The following GABPB2 variants were observed in gnomAD, a reference collection of about 807,000 sequenced individuals.
GABPB2 encodes the protein GA-binding protein subunit beta-2.
A neutral mutation model predicts 39.1 loss-of-function variants in GABPB2; 23 were observed. The ratio of observed to expected loss-of-function variants is 0.59; its 90% confidence interval spans 0.42 to 0.83. GABPB2 has a LOEUF of 0.83. Among genes scored for constraint, GABPB2 ranks in the 40% least tolerant of loss-of-function variants. GABPB2 has a pLI of 0.00. For missense variants in GABPB2, 467 were observed against 541.1 expected (o/e 0.86, Z 1.36); for synonymous variants, 184 against 199.3 (o/e 0.92, Z 0.65).
chr1:151,108,890 G>A (rs1165057481), intron 7 of GABPB2, among the ~76,000 whole-genome samples: 3 of 152,116 alleles, frequency 2.0e-5, no homozygotes, highest in African/African-American at 7.2e-5. Flanking sequence ...TAAAAATACT[G>A]GAGGTTGGCC....
chr1:151,124,787 C>G lies in GABPB2; in HGVS notation c.*6531C>G, dbSNP rs1419103120. 1 of 152,028 alleles carries G rather than the reference C, an allele frequency of 6.6e-6. No individual in the cohort carries two copies. Among genetic ancestry groups the G allele is most frequent in the African/African-American group, 2.4e-5 (1 of 41,392 alleles). 9.4% of individuals were successfully genotyped at this position (152,028 alleles called of 1,614,324 possible). A position where few individuals can be genotyped will look rare whatever the true frequency, so the allele number is the denominator to read the frequency against. On this transcript the variant is annotated 3_prime_UTR_variant, in exon 9 of 9. Coordinates refer to ENST00000368918, the MANE Select transcript of GABPB2 (RefSeq NM_144618.3). ...GAAGTACTACCCCTTCTGAGTAGTA[C>G]TATTATTTCCTATGCCAATTTTTTT...
rs1292539702 is a variant in GABPB2 at position 151,124,620 on chromosome 1, A to G, written c.*6364A>G. On this transcript the variant is annotated 3_prime_UTR_variant, in exon 9 of 9. Transcript: ENST00000368918. ...CAGTTTTTGTCCTAATTTATTAGAG[A>G]AGGCTTCCTCTTCTCTACTCCTTGT... is the stretch of plus-strand genomic sequence containing the variant. 1 of 152,030 alleles carries G rather than the reference A, an allele frequency of 6.6e-6. No individual in the cohort carries two copies. Among genetic ancestry groups the G allele is most frequent in the Non-Finnish European group, 1.5e-5 (1 of 68,022 alleles). The allele number at this position is 152,030 out of a possible 1,614,324, so 9.4% of individuals were successfully genotyped here.
intron 2 of GABPB2, among the ~76,000 whole-genome samples, chr1:151,089,274 A>AT (rs1276690864): frequency 3.3e-5 from 5 of 152,240 alleles, no homozygotes; most frequent in Admixed American, 6.6e-5. Flanking sequence ...AACCCATGAA[A>AT]TTAGCATTTC....
intron 7 of GABPB2, among the ~76,000 whole-genome samples, chr1:151,111,726 T>G (rs1680449386): frequency 6.7e-6 from 1 of 148,880 alleles, no homozygotes. Context: ...TTTTGTATTT[T>G]TAGTAGAGAC....
At chr1:151,097,745 C>A in intron 4 of GABPB2, 107 bp from the exon 5 acceptor site, 2 of 1,143,506 alleles carry the variant, frequency 1.7e-6, no homozygotes, top group Non-Finnish European at 2.5e-6. Flanking sequence ...TGCCACTGCA[C>A]TCCAGCCTGG....
chr1:151,105,668 C>T (rs1360237555), intron 6 of GABPB2, among the ~76,000 whole-genome samples: 1 of 151,862 alleles, frequency 6.6e-6, no homozygotes, highest in East Asian at 1.9e-4. Flanking sequence ...TGCATGCCAC[C>T]ACGCTCAATT....
intron 7 of GABPB2, among the ~76,000 whole-genome samples, chr1:151,109,574 T>G (rs1225865646): frequency 1.3e-5 from 2 of 151,560 alleles, no homozygotes; most frequent in Admixed American, 6.6e-5. Context: ...TTGGTCAGCC[T>G]GGTCTCGAAC....
intron 1 of GABPB2, among the ~76,000 whole-genome samples, chr1:151,087,802 C>T (rs951312462): frequency 6.6e-6 from 1 of 152,086 alleles, no homozygotes; most frequent in Admixed American, 6.6e-5. Context: ...TGGGCATCCA[C>T]CTTGCTCCCT....
intron 8 of GABPB2, among the ~76,000 whole-genome samples, 188 bp downstream of exon 8, chr1:151,117,704 C>T (rs587697513): frequency 5.9e-4 from 90 of 152,278 alleles, no homozygotes; most frequent in African/African-American, 2.1e-3. Context: ...ATGCCTCAGC[C>T]TCCTGAGTAG....
chr1:151,072,074 A>T (rs931705454), intron 1 of GABPB2, among the ~76,000 whole-genome samples: 2 of 152,248 alleles, frequency 1.3e-5, no homozygotes, highest in Non-Finnish European at 2.9e-5. Flanking sequence ...TGGTCCACCC[A>T]ATCCAGTAGA....
intron 1 of GABPB2, among the ~76,000 whole-genome samples, chr1:151,081,239 A>G (rs1677667328): frequency 6.6e-6 from 1 of 151,582 alleles, no homozygotes; most frequent in African/African-American, 2.4e-5. Context: ...CTATAATCCC[A>G]GCACTTTGGG....
chr1:151,119,050 C>T lies in GABPB2; in HGVS notation c.*794C>T, dbSNP rs1681078597. 6.6e-6 allele frequency: 1 copy of T among 152,228 alleles called. No homozygotes were observed. Among genetic ancestry groups the T allele is most frequent in the African/African-American group, 2.4e-5 (1 of 41,448 alleles). The allele number at this position is 152,228 out of a possible 1,614,324, so 9.4% of individuals were successfully genotyped here. A position where few individuals can be genotyped will look rare whatever the true frequency, so the allele number is the denominator to read the frequency against. ...AATAAGCTGCGTGTGGTGGCTCACA[C>T]CTGTAATCCCAACACTTTGGGACGT... is the stretch of plus-strand genomic sequence containing the variant. On this transcript the variant is annotated 3_prime_UTR_variant, in exon 9 of 9. Transcript: ENST00000368918.
At position 151,106,023 on chromosome 1, in the gene GABPB2, G is replaced by A. The variant is rs180684487; in HGVS notation, c.737-1014G>A. Among the ~76,000 whole-genome samples the A allele has an allele frequency of 3.0e-3, 455 of 149,818 alleles. 2 individuals are homozygous for A. Among genetic ancestry groups the A allele is most frequent in the Non-Finnish European group, 5.6e-3 (375 of 67,534 alleles). ...GTCACCCAGGCTGGAGTGCAATGGC[G>A]TGATCTTTGCTCACTGCAACCTCCG... On this transcript the variant is annotated intron_variant, in intron 6 of 8. Transcript: ENST00000368918.
chr1:151,114,812 C>A (rs911588120), intron 7 of GABPB2, among the ~76,000 whole-genome samples: 9 of 152,112 alleles, frequency 5.9e-5, no homozygotes, highest in African/African-American at 2.2e-4. Flanking sequence ...GAGTTTGAGA[C>A]CAGCCTGCCC....
chr1:151,079,199 G>T (rs908623489), intron 1 of GABPB2, among the ~76,000 whole-genome samples: 2 of 152,046 alleles, frequency 1.3e-5, no homozygotes, highest in Admixed American at 6.6e-5. Context: ...GACAGATTTG[G>T]GTTGGTTGTC....
intron 5 of GABPB2, 147 bp downstream of exon 5, chr1:151,098,149 G>T: frequency 1.4e-6 from 1 of 695,212 alleles, no homozygotes; most frequent in Non-Finnish European, 2.4e-6. Flanking sequence ...TTAAAGCTGA[G>T]GTACTTATTC....
chr1:151,088,217 T>G lies in GABPB2; in HGVS notation c.28T>G (p.Leu10Val). 6.2e-7 allele frequency: 1 copy of G among 1,614,066 alleles called. No homozygotes were observed. ...GTCTTTGGTGGACTTGGGAAAGAGG[T>G]TGCTAGAAGCAGCAAGAAAAGGCCA... MSLVDLGKR[L>V]LEAARKGQDD... The change falls in exon 2 of 9, where the codon TTG (leucine) becomes GTG (valine). Residue 10 changes from leucine (L) to valine (V), a missense_variant. By Grantham distance (32) the Leu-to-Val change is conservative. Transcript: ENST00000368918.
chr1:151,104,044 T>C (rs946892422), intron 6 of GABPB2, among the ~76,000 whole-genome samples: 2 of 152,170 alleles, frequency 1.3e-5, no homozygotes, highest in African/African-American at 2.4e-5. Flanking sequence ...AGCCCAGATA[T>C]CTTATATTAA....
intron 1 of GABPB2, among the ~76,000 whole-genome samples, chr1:151,077,356 G>GGT (rs1553260305): frequency 2.7e-5 from 3 of 110,630 alleles, no homozygotes; most frequent in Non-Finnish European, 3.5e-5. Flanking sequence ...CAACTCATAG[G>GGT]TTTTTTTTTT....
Sources: allele counts gnomAD v4.1 joint callset (sites outside exome capture counted in the v4.1 genomes callset), GRCh38; gene constraint gnomAD v4.1.1; transcripts MANE v1.5; gene names NCBI Gene and HGNC (gene_info 2026-07-23, HGNC 2026-07-21).